The following HDAC4 variants were observed in gnomAD, a reference collection of about 807,000 sequenced individuals.
HDAC4 encodes the protein histone deacetylase A.
HDAC4 carries 16 observed loss-of-function variants against 135.1 expected under a neutral mutation model. The ratio of observed to expected loss-of-function variants is 0.12; its 90% CI spans 0.08 to 0.18. The LOEUF (loss-of-function observed/expected upper bound fraction) is 0.18, where lower values mean the gene tolerates loss of function less well. Among genes scored for constraint, HDAC4 ranks in the 10% least tolerant of loss-of-function variants. The probability of loss-of-function intolerance (pLI) is 1.00; values close to 1 mark genes in which losing one functional copy is unlikely to be tolerated. For synonymous variants in HDAC4, 685 were observed against 653.4 expected, an observed-to-expected ratio of 1.05 and a Z score of -0.74; for missense variants, 1,143 against 1,511.8, an observed-to-expected ratio of 0.76 and a Z score of 4.05.
At chr2:239,257,884 C>G (rs1017254161) in intron 2 of HDAC4, among the ~76,000 whole-genome samples, 2 of 152,130 alleles carry the variant, frequency 1.3e-5, no homozygotes, top group African/African-American at 4.8e-5. Context: ...TAGAAAAAGA[C>G]CCTCAGGTGC....
At chr2:239,177,878 G>C (rs1366760584) in intron 4 of HDAC4, among the ~76,000 whole-genome samples, 1 of 152,208 alleles carries the variant, frequency 6.6e-6, no homozygotes, top group Non-Finnish European at 1.5e-5. Context: ...CACGGTATCG[G>C]AAAAGGTGAA....
At chr2:239,321,299 A>G (rs970144396) in intron 2 of HDAC4, among the ~76,000 whole-genome samples, 1 of 152,022 alleles carries the variant, frequency 6.6e-6, no homozygotes, top group Non-Finnish European at 1.5e-5. Flanking sequence ...CCCCGTCTCT[A>G]CTAAAAATAC....
rs2041235521 is a variant in HDAC4 at position 239,139,829 on chromosome 2, C to T, written c.866-33G>A. 6.3e-7 allele frequency: 1 copy of T among 1,587,544 alleles called. No homozygotes were observed. On this transcript the variant is annotated intron_variant, in intron 8 of 26. Coordinates refer to ENST00000543185, the MANE Select transcript of HDAC4 (RefSeq NM_001378414.1). This position sits in a 1 kb window ranked among gnomAD's most constrained non-coding sequence, Gnocchi z 5.3. ...GGCAGAAATACCCTGGTGAGTGTTA[C>T]TCCATGCGGAGGGAGGGCCGTGCTG...
intron 3 of HDAC4, among the ~76,000 whole-genome samples, chr2:239,220,823 G>A (rs2046906903): frequency 6.6e-6 from 1 of 152,136 alleles, no homozygotes; most frequent in Non-Finnish European, 1.5e-5. Flanking sequence ...CTAATATTGT[G>A]AATTTAAAAG....
intron 2 of HDAC4, among the ~76,000 whole-genome samples, chr2:239,302,526 A>C (rs1192097575): frequency 3.3e-5 from 5 of 152,220 alleles, no homozygotes; most frequent in Non-Finnish European, 7.3e-5. Flanking sequence ...CCCAGGAAGG[A>C]GAATCCACGT....
chr2:239,229,076 A>G (rs978547384), intron 3 of HDAC4, among the ~76,000 whole-genome samples: 1 of 152,196 alleles, frequency 6.6e-6, no homozygotes, highest in African/African-American at 2.4e-5. Flanking sequence ...TGGGAGGCAG[A>G]GGTGGCAGTG....
chr2:239,069,776 A>C (rs1057178829), intron 22 of HDAC4, among the ~76,000 whole-genome samples: 1 of 146,426 alleles, frequency 6.8e-6, no homozygotes, highest in Non-Finnish European at 1.5e-5. Flanking sequence ...AGCAAGCCCC[A>C]CTGCACTTGC....
chr2:239,239,158 A>G (rs1188396318), intron 2 of HDAC4, among the ~76,000 whole-genome samples: 1 of 152,184 alleles, frequency 6.6e-6, no homozygotes, highest in Non-Finnish European at 1.5e-5. Context: ...ACAGGGGCTC[A>G]GGTCCACAAG....
intron 1 of HDAC4, among the ~76,000 whole-genome samples, chr2:239,393,681 C>T (rs1430350333): frequency 2.6e-5 from 4 of 151,910 alleles, no homozygotes; most frequent in African/African-American, 9.7e-5. Flanking sequence ...GCAAGCCCTC[C>T]AGCCACAGCC....
intron 2 of HDAC4, among the ~76,000 whole-genome samples, chr2:239,277,700 T>A (rs1033365384): frequency 1.3e-5 from 2 of 152,152 alleles, no homozygotes; most frequent in Non-Finnish European, 2.9e-5. Context: ...GACCCTGGCT[T>A]GATAATGTCT....
At chr2:239,199,929 G>A (rs1355561627) in intron 3 of HDAC4, among the ~76,000 whole-genome samples, 2 of 152,030 alleles carry the variant, frequency 1.3e-5, no homozygotes, top group South Asian at 2.1e-4. Context: ...CAGTAGAGGC[G>A]GGGTTTCACC....
intron 2 of HDAC4, among the ~76,000 whole-genome samples, chr2:239,263,569 CA>C (rs1357260557): frequency 6.6e-6 from 1 of 152,086 alleles, no homozygotes; most frequent in African/African-American, 2.4e-5. Context: ...CTGTCAAGGA[CA>C]GGGGCAAGGG....
rs139097011 is a variant in HDAC4 at position 239,298,208 on chromosome 2, G to A, written c.22+54470C>T. On this transcript the variant is annotated intron_variant, in intron 2 of 26. Coordinates refer to ENST00000543185, the MANE Select transcript of HDAC4 (RefSeq NM_001378414.1). ...CAAGCTCAGGGAACAGCAGAGGCCC[G>A]TCTCGGTATTCCGGAAGCAGCCAGA... 3.6e-5 allele frequency: 47 copies of A among 1,289,482 alleles called. No individual in the cohort carries two copies. In the Admixed American group the frequency reaches 5.3e-4, roughly 14 times the overall value. The allele number at this position is 1,289,482 out of a possible 1,614,324, so 79.9% of individuals were successfully genotyped here.
At chr2:239,300,461 A>G (rs1427853165) in intron 2 of HDAC4, among the ~76,000 whole-genome samples, 1 of 152,214 alleles carries the variant, frequency 6.6e-6, no homozygotes, top group East Asian at 1.9e-4. Flanking sequence ...CCCGATGGGC[A>G]TTGCTGCTAT....
At chr2:239,211,584 AT>A (rs2046356324) in intron 3 of HDAC4, among the ~76,000 whole-genome samples, 1 of 152,232 alleles carries the variant, frequency 6.6e-6, no homozygotes, top group African/African-American at 2.4e-5. Context: ...CTTGAATGAT[AT>A]GGTTGCCAGC....
At position 239,086,339 on chromosome 2, in the gene HDAC4, G is replaced by T. The variant is rs111983049; in HGVS notation, c.2444+1220C>A. Among the ~76,000 whole-genome samples the T allele has an allele frequency of 5.7e-3, 448 of 78,342 alleles. 3 individuals carry two copies. Among genetic ancestry groups the T allele is most frequent in the East Asian group, 0.011 (26 of 2,348 alleles). The allele number at this position is 78,342 out of a possible 152,430, so 51.4% of individuals were successfully genotyped here. A position where few individuals can be genotyped will look rare whatever the true frequency, so the allele number is the denominator to read the frequency against. On this transcript the variant is annotated intron_variant, in intron 19 of 26. Transcript: ENST00000543185. ...TCTAACACGCGGATCTGACTATCTC[G>T]CACGTACAGTCTCCTCCCTGTACAT...
intron 18 of HDAC4, among the ~76,000 whole-genome samples, chr2:239,088,037 C>T (rs568027757): frequency 7.2e-5 from 11 of 152,316 alleles, no homozygotes; most frequent in Middle Eastern, 3.4e-3. Flanking sequence ...AGGACTTGGC[C>T]GCGGGGCAGA....
intron 2 of HDAC4, among the ~76,000 whole-genome samples, chr2:239,239,896 C>T (rs540351843): frequency 1.4e-4 from 22 of 152,346 alleles, no homozygotes; most frequent in African/African-American, 4.8e-4. Context: ...GCCTTGGAGG[C>T]GGCGGCACAG....
At chr2:239,270,675 C>T (rs2050009916) in intron 2 of HDAC4, among the ~76,000 whole-genome samples, 2 of 152,342 alleles carry the variant, frequency 1.3e-5, no homozygotes, top group African/African-American at 4.8e-5. Context: ...TAATTTCTTA[C>T]ATGCACTAAC....
Sources: gnomAD v4.1 joint callset for allele counts (sites outside exome capture counted in the v4.1 genomes callset) on GRCh38, gnomAD v4.1.1 for gene constraint, Gnocchi (gnomAD v3.1) non-coding constraint, MANE v1.5 for transcripts, NCBI Gene and HGNC (gene_info 2026-07-23, HGNC 2026-07-21) for gene names.